The following TBCD variants were observed in gnomAD, a reference collection of about 807,000 sequenced individuals.
The protein encoded by TBCD is tubulin folding cofactor D, also known as tubulin-specific chaperone D.
A neutral mutation model predicts 169.3 loss-of-function variants in TBCD; 105 were observed. That is an observed-to-expected ratio of 0.62 (90% CI 0.53 to 0.73). TBCD has a LOEUF of 0.73. TBCD is among the 30% of genes least tolerant of loss of function. The pLI, the probability that TBCD is intolerant of heterozygous loss-of-function variation, is 0.00. For synonymous variants in TBCD, 700 were observed against 643.9 expected, an observed-to-expected ratio of 1.09 and a Z score of -1.32; for missense variants, 1,444 against 1,600.1, an observed-to-expected ratio of 0.90 and a Z score of 1.66.
intron 13 of TBCD, among the ~76,000 whole-genome samples, chr17:82,851,356 C>G (rs892205303): frequency 2.6e-5 from 4 of 152,148 alleles, no homozygotes; most frequent in African/African-American, 9.7e-5. Flanking sequence ...AAACTTAAAC[C>G]TTTAAACAGG....
intron 13 of TBCD, among the ~76,000 whole-genome samples, chr17:82,850,607 G>A: frequency 6.6e-6 from 1 of 152,030 alleles, no homozygotes; most frequent in Non-Finnish European, 1.5e-5. Flanking sequence ...TGGCTGTGCT[G>A]TTGTTGGCTG....
intron 7 of TBCD, among the ~76,000 whole-genome samples, chr17:82,788,507 G>C (rs1328579082): frequency 6.6e-6 from 1 of 152,036 alleles, no homozygotes; most frequent in Non-Finnish European, 1.5e-5. Flanking sequence ...CCTTTGCAGT[G>C]CGGTTTCTTT....
At position 82,789,476 on chromosome 17, in the gene TBCD, A is replaced by G. The variant is rs2049546617; in HGVS notation, c.771+7755A>G. On this transcript the variant is annotated intron_variant, in intron 7 of 38. Transcript: ENST00000355528. The surrounding 1 kb of genome is among the most constrained non-coding windows in gnomAD (Gnocchi z 4.8). ...ACCCCGCTCAGTTCTTAGATGAGGA[A>G]GAGACAGGCAGAGAGCTGGGCTGGG... is the stretch of plus-strand genomic sequence containing the variant. Among the ~76,000 whole-genome samples the G allele has an allele frequency of 6.6e-6, 1 of 152,200 alleles. No individual in the cohort carries two copies. Among genetic ancestry groups the G allele is most frequent in the Non-Finnish European group, 1.5e-5 (1 of 68,032 alleles).
intron 9 of TBCD, among the ~76,000 whole-genome samples, chr17:82,805,494 G>A (rs1279158187): frequency 1.3e-5 from 2 of 152,196 alleles, no homozygotes; most frequent in East Asian, 1.9e-4. Flanking sequence ...TGGCCTGGGC[G>A]GTGGCAGTGG....
In TBCD at chr17:82,920,870, C is replaced by A. The variant is rs574024073; in HGVS notation, c.2101+252C>A. On this transcript the variant is annotated intron_variant, in intron 24 of 38. Coordinates refer to ENST00000355528, the MANE Select transcript of TBCD (RefSeq NM_005993.5). This position sits in a 1 kb window ranked among gnomAD's most constrained non-coding sequence, Gnocchi z 4.1. Reference sequence around the variant, plus strand: ...TACCCCCACCTCCTCGCTTCCATGCCCAGGGCCCGGCACTCTGGGTCAGTT... The same window carrying A: ...TACCCCCACCTCCTCGCTTCCATGCACAGGGCCCGGCACTCTGGGTCAGTT... 3.1e-3 allele frequency: 1,553 copies of A among 507,570 alleles called. 5 individuals are homozygous for A. The highest frequency in any genetic ancestry group is 4.1e-3 in the Non-Finnish European group (1,162 of 285,490). The allele number at this position is 507,570 out of a possible 1,614,324, so 31.4% of individuals were successfully genotyped here.
chr17:82,939,358 C>A lies in TBCD; in HGVS notation c.3370-9C>A. ...TCCCTCCGGCAAATGCACTGCATCC[C>A]TGTCCCAGATCCGGAAGACCACGGC... On this transcript the variant is annotated splice_polypyrimidine_tract_variant and intron_variant, in intron 36 of 38. Coordinates refer to ENST00000355528, the MANE Select transcript of TBCD (RefSeq NM_005993.5). 6.2e-7 allele frequency: 1 copy of A among 1,607,130 alleles called. No homozygotes were observed. The highest frequency in any genetic ancestry group is 8.5e-7 in the Non-Finnish European group (1 of 1,177,382).
At chr17:82,935,160 G>T (rs2062522626) in intron 34 of TBCD, among the ~76,000 whole-genome samples, 1 of 152,044 alleles carries the variant, frequency 6.6e-6, no homozygotes. Flanking sequence ...CTACAGTTTT[G>T]TCAGTTTTGG....
rs550613349 is a variant in TBCD at position 82,941,581 on chromosome 17, C to T, written c.3564+98C>T. 91 of 1,092,460 alleles carry T rather than the reference C, an allele frequency of 8.3e-5. 2 individuals carry two copies. In the South Asian group the frequency reaches 1.2e-3, roughly 14 times the overall value. The allele number at this position is 1,092,460 out of a possible 1,614,324, so 67.7% of individuals were successfully genotyped here. ...TGTGCTTAGCTTCTGCCAGCACGTC[C>T]ACACGGCCCGTTCCCTCGTCTCATG... On this transcript the variant is annotated intron_variant, in intron 38 of 38. Coordinates refer to ENST00000355528, the MANE Select transcript of TBCD (RefSeq NM_005993.5).
chr17:82,940,000 A>G (rs975885035), intron 37 of TBCD, among the ~76,000 whole-genome samples: 3 of 152,150 alleles, frequency 2.0e-5, no homozygotes, highest in Non-Finnish European at 4.4e-5. Flanking sequence ...TTTCTGCAAC[A>G]TGGGCTGGCT....
chr17:82,824,366 G>A (rs1474567403), intron 13 of TBCD, among the ~76,000 whole-genome samples: 1 of 151,960 alleles, frequency 6.6e-6, no homozygotes, highest in South Asian at 2.1e-4. Context: ...TGTATTTTTA[G>A]TAGAGATGGA....
chr17:82,807,317 G>T (rs1728831760), intron 10 of TBCD, among the ~76,000 whole-genome samples: 1 of 152,192 alleles, frequency 6.6e-6, no homozygotes, highest in South Asian at 2.1e-4. Flanking sequence ...CCCTGGCCTG[G>T]GTGGGGCCCT....
chr17:82,764,378 C>G (rs1001750406), intron 3 of TBCD, among the ~76,000 whole-genome samples: 1 of 152,220 alleles, frequency 6.6e-6, no homozygotes, highest in African/African-American at 2.4e-5. Context: ...GGTGCGGTGG[C>G]TCATGCCTGT....
intron 7 of TBCD, among the ~76,000 whole-genome samples, chr17:82,786,215 C>T (rs975998269): frequency 6.6e-6 from 1 of 152,054 alleles, no homozygotes; most frequent in Admixed American, 6.5e-5. Context: ...GAGGGCTTCT[C>T]TGCCCTCTAG....
chr17:82,798,112 G>A (rs893141588), intron 8 of TBCD, among the ~76,000 whole-genome samples: 1 of 151,048 alleles, frequency 6.6e-6, no homozygotes, highest in African/African-American at 2.4e-5. Flanking sequence ...GAGTAGCTGG[G>A]ACTACAGGTG....
At chr17:82,848,294 G>A (rs1383360794) in intron 13 of TBCD, among the ~76,000 whole-genome samples, 1 of 152,200 alleles carries the variant, frequency 6.6e-6, no homozygotes, top group Non-Finnish European at 1.5e-5. Context: ...ACAGCGTCCT[G>A]TCGCTCCCTC....
chr17:82,930,223 G>A lies in TBCD; in HGVS notation c.2992-299G>A. 2.4e-6 allele frequency: 1 copy of A among 418,934 alleles called. No homozygotes were observed. Among genetic ancestry groups the A allele is most frequent in the South Asian group, 3.3e-5 (1 of 30,614 alleles). 26.0% of individuals were successfully genotyped at this position (418,934 alleles called of 1,614,324 possible). ...GGATTATCAAATCCCGCTTCAGTGG[G>A]AAACGTGAGCGAAACCCAAGGTGAG... On this transcript the variant is annotated intron_variant, in intron 32 of 38. Transcript: ENST00000355528. The surrounding 1 kb of genome is among the most constrained non-coding windows in gnomAD (Gnocchi z 5.2).
At chr17:82,775,770 T>C (rs1393657357) in intron 6 of TBCD, among the ~76,000 whole-genome samples, 14 of 146,542 alleles carry the variant, frequency 9.6e-5, no homozygotes, top group Non-Finnish European at 1.7e-4. Flanking sequence ...AGGGATAGCA[T>C]TGGGAGATAT....
In TBCD at chr17:82,874,446, G is replaced by A. The variant is rs958063885; in HGVS notation, c.1475+4066G>A. 2.3e-4 allele frequency among the ~76,000 whole-genome samples: 35 copies of A among 152,118 alleles called. No individual in the cohort carries two copies. The highest frequency in any genetic ancestry group is 7.7e-4 in the African/African-American group (32 of 41,406). ...CACCATGGCTCCCGGGTTCCCTTGC[G>A]CACACCGAGCCAGCAGCTGCTGGGG... On this transcript the variant is annotated intron_variant, in intron 14 of 38. Coordinates refer to ENST00000355528, the MANE Select transcript of TBCD (RefSeq NM_005993.5). This position sits in a 1 kb window ranked among gnomAD's most constrained non-coding sequence, Gnocchi z 5.0.
At chr17:82,870,730 G>C (rs939904333) in intron 14 of TBCD, among the ~76,000 whole-genome samples, 3 of 152,252 alleles carry the variant, frequency 2.0e-5, no homozygotes, top group African/African-American at 7.2e-5. Context: ...CGGCACGCTG[G>C]GTGGCGTGGG....
Sources: allele counts gnomAD v4.1 joint callset (sites outside exome capture counted in the v4.1 genomes callset), GRCh38; gene constraint gnomAD v4.1.1; non-coding constraint Gnocchi (gnomAD v3.1); transcripts MANE v1.5; gene names NCBI Gene and HGNC (gene_info 2026-07-23, HGNC 2026-07-21).